IMMP2L: variants seen among roughly 807,000 people sequenced by gnomAD.
IMMP2L encodes inner mitochondrial membrane peptidase subunit 2.
IMMP2L carries 18 observed loss-of-function variants against 19.3 expected under a neutral mutation model. The ratio of observed to expected loss-of-function variants is 0.93; its 90% confidence interval spans 0.64 to 1.38. IMMP2L has a LOEUF of 1.38. Ranked by LOEUF, IMMP2L falls within the 40% of genes most tolerant of loss-of-function variation. The pLI, the probability that IMMP2L is intolerant of heterozygous loss-of-function variation, is 0.00. For synonymous variants in IMMP2L, 76 were observed against 73.0 expected, an observed-to-expected ratio of 1.04 and a Z score of -0.21; for missense variants, 233 against 218.2, an observed-to-expected ratio of 1.07 and a Z score of -0.43.
At chr7:111,347,543 A>G (rs995716803) in intron 3 of IMMP2L, among the ~76,000 whole-genome samples, 2 of 151,998 alleles carry the variant, frequency 1.3e-5, no homozygotes, top group African/African-American at 4.8e-5. Context: ...TAACCAGAGA[A>G]ACAGGCTAAG....
At chr7:111,461,307 T>C (rs1840115085) in intron 3 of IMMP2L, among the ~76,000 whole-genome samples, 2 of 152,082 alleles carry the variant, frequency 1.3e-5, no homozygotes, top group African/African-American at 4.8e-5. Flanking sequence ...GGGAAGCAGA[T>C]GGGAGTTCCA....
At chr7:110,860,552 G>A (rs370342688) in intron 5 of IMMP2L, among the ~76,000 whole-genome samples, 1 of 152,012 alleles carries the variant, frequency 6.6e-6, no homozygotes, top group South Asian at 2.1e-4. Context: ...ATAATTTATA[G>A]TTAGTACAAT....
intron 3 of IMMP2L, among the ~76,000 whole-genome samples, chr7:111,033,584 T>C (rs1791046788): frequency 6.6e-6 from 1 of 152,168 alleles, no homozygotes; most frequent in Non-Finnish European, 1.5e-5. Flanking sequence ...TATCCTTCAA[T>C]AGTAAACAAA....
chr7:111,395,840 A>T (rs897484609), intron 3 of IMMP2L, among the ~76,000 whole-genome samples: 9 of 152,136 alleles, frequency 5.9e-5, no homozygotes, highest in African/African-American at 1.9e-4. Flanking sequence ...ATTTGCATAT[A>T]TCCAGAGTGT....
At chr7:111,458,191 C>T (rs1265819012) in intron 3 of IMMP2L, among the ~76,000 whole-genome samples, 1 of 152,032 alleles carries the variant, frequency 6.6e-6, no homozygotes, top group Non-Finnish European at 1.5e-5. Context: ...CTAGCCTGGG[C>T]AACATGGTGA....
At chr7:111,559,328 G>C (rs531512530) in intron 1 of IMMP2L, among the ~76,000 whole-genome samples, 1 of 152,270 alleles carries the variant, frequency 6.6e-6, no homozygotes, top group East Asian at 1.9e-4. Flanking sequence ...TGGACATGAA[G>C]CATCAGCATT....
chr7:111,401,365 G>C (rs968254571), intron 3 of IMMP2L, among the ~76,000 whole-genome samples: 5 of 152,094 alleles, frequency 3.3e-5, no homozygotes, highest in African/African-American at 1.2e-4. Flanking sequence ...AGTGTATTCT[G>C]ATTAAGACAG....
chr7:110,922,094 ACT>A (rs574803372), intron 4 of IMMP2L, among the ~76,000 whole-genome samples: 1 of 152,280 alleles, frequency 6.6e-6, no homozygotes, highest in African/African-American at 2.4e-5. Context: ...GTGTTTCACA[ACT>A]CTCATATGAC....
chr7:110,971,215 C>T (rs888659936), intron 3 of IMMP2L, among the ~76,000 whole-genome samples: 1 of 152,096 alleles, frequency 6.6e-6, no homozygotes, highest in Non-Finnish European at 1.5e-5. Flanking sequence ...AGCTTACTCG[C>T]CAGTTTGCCA....
chr7:111,496,198 C>T (rs186510675), intron 2 of IMMP2L, among the ~76,000 whole-genome samples: 330 of 152,204 alleles, frequency 2.2e-3, no homozygotes, highest in Admixed American at 7.7e-3. Context: ...TCTTTCTTCC[C>T]TTGCTATTCA....
chr7:110,932,773 T>C (rs1051749348), intron 4 of IMMP2L, among the ~76,000 whole-genome samples: 19 of 152,242 alleles, frequency 1.2e-4, no homozygotes, highest in Non-Finnish European at 2.9e-5. Context: ...GTTTTAATAC[T>C]GAGGTACTCC....
intron 4 of IMMP2L, among the ~76,000 whole-genome samples, chr7:110,940,291 C>G (rs553445622): frequency 1.3e-5 from 2 of 149,306 alleles, no homozygotes; most frequent in South Asian, 4.3e-4. Context: ...TGCACTCCAG[C>G]CTGGGCAACA....
chr7:110,813,428 CT>C (rs995024280), intron 5 of IMMP2L, among the ~76,000 whole-genome samples: 39 of 146,998 alleles, frequency 2.7e-4, no homozygotes, highest in African/African-American at 9.7e-4. Flanking sequence ...TAAAACATTT[CT>C]TTCTTTTTTT....
intron 3 of IMMP2L, among the ~76,000 whole-genome samples, chr7:111,288,650 C>T (rs1820755857): frequency 6.6e-6 from 1 of 151,954 alleles, no homozygotes; most frequent in African/African-American, 2.4e-5. Context: ...ATTTATGCAG[C>T]CAACAAACAT....
At chr7:111,070,000 T>A (rs1468604368) in intron 3 of IMMP2L, among the ~76,000 whole-genome samples, 3 of 152,096 alleles carry the variant, frequency 2.0e-5, no homozygotes, top group Non-Finnish European at 4.4e-5. Flanking sequence ...ACAGTCCATA[T>A]ATAACATAAG....
At chr7:110,778,079 T>C (rs999247479) in intron 5 of IMMP2L, among the ~76,000 whole-genome samples, 3 of 151,930 alleles carry the variant, frequency 2.0e-5, no homozygotes, top group Admixed American at 2.0e-4. Context: ...ACATCTGGCT[T>C]CTAGAGCCAC....
chr7:110,801,294 T>C (rs17157982), intron 5 of IMMP2L, among the ~76,000 whole-genome samples: 11,149 of 152,100 alleles, frequency 0.073, 764 homozygotes, highest in African/African-American at 0.17. Context: ...AATCTAATAT[T>C]TTGCTCAAAT....
At chr7:111,555,473 T>C (rs1195205962) in intron 1 of IMMP2L, among the ~76,000 whole-genome samples, 1 of 151,696 alleles carries the variant, frequency 6.6e-6, no homozygotes, top group East Asian at 1.9e-4. Flanking sequence ...AAAAAAAATA[T>C]GACAAGCAAG....
intron 4 of IMMP2L, among the ~76,000 whole-genome samples, chr7:110,918,612 C>G (rs1813899068): frequency 6.6e-6 from 1 of 151,710 alleles, no homozygotes; most frequent in South Asian, 2.1e-4. Flanking sequence ...TGTACCACCA[C>G]AGTTGGCTAA....
Sources: gnomAD v4.1 joint callset for allele counts (sites outside exome capture counted in the v4.1 genomes callset) on GRCh38, gnomAD v4.1.1 for gene constraint, MANE v1.5 for transcripts, NCBI Gene and HGNC (gene_info 2026-07-23, HGNC 2026-07-21) for gene names.